Variants in TMEM178B observed in about 807,000 individuals in gnomAD.
The protein encoded by TMEM178B is transmembrane protein 178B.
In TMEM178B, 5 loss-of-function variants were observed where a neutral mutation model predicts 31.0. The observed-to-expected ratio is 0.16, with a 90% CI of 0.08 to 0.34. TMEM178B has a LOEUF of 0.34. Ranked by LOEUF, TMEM178B falls within the 10% of genes least tolerant of loss-of-function variation. The pLI is 1.00. For missense variants in TMEM178B, 275 were observed against 400.3 expected (o/e 0.69, Z 2.67); for synonymous variants, 164 against 164.0 (o/e 1.00, Z 0.00).
At chr7:141,118,617 G>A (rs1795361454) in intron 1 of TMEM178B, among the ~76,000 whole-genome samples, 1 of 152,208 alleles carries the variant, frequency 6.6e-6, no homozygotes, top group African/African-American at 2.4e-5. Context: ...AGAGTCCTGT[G>A]CAAGTATTGT....
intron 2 of TMEM178B, among the ~76,000 whole-genome samples, chr7:141,359,008 T>C (rs1799871401): frequency 6.6e-6 from 1 of 152,158 alleles, no homozygotes; most frequent in Non-Finnish European, 1.5e-5. Context: ...ACCAGCTGCT[T>C]TTCATAAAAT....
At chr7:141,149,502 C>T (rs544703563) in intron 1 of TMEM178B, among the ~76,000 whole-genome samples, 4 of 152,238 alleles carry the variant, frequency 2.6e-5, no homozygotes, top group South Asian at 2.1e-4. Context: ...GAGCCGAGAT[C>T]GTGCCACTGC....
chr7:141,096,705 A>G (rs1794965707), intron 1 of TMEM178B, among the ~76,000 whole-genome samples: 2 of 152,202 alleles, frequency 1.3e-5, no homozygotes. Flanking sequence ...TACAAAATGT[A>G]AGTAAGTGTT....
chr7:141,315,810 A>T (rs182237610), intron 2 of TMEM178B, among the ~76,000 whole-genome samples: 1 of 152,132 alleles, frequency 6.6e-6, no homozygotes, highest in South Asian at 2.1e-4. Flanking sequence ...GTTATCTGGG[A>T]CTTCTACCTT....
chr7:141,362,216 A>G (rs1799928688), intron 2 of TMEM178B, among the ~76,000 whole-genome samples: 1 of 152,238 alleles, frequency 6.6e-6, no homozygotes, highest in Non-Finnish European at 1.5e-5. Flanking sequence ...TCTGGCACTG[A>G]GGAAGTCCTG....
At chr7:141,302,107 T>C (rs771565901) in intron 2 of TMEM178B, among the ~76,000 whole-genome samples, 4 of 152,212 alleles carry the variant, frequency 2.6e-5, no homozygotes, top group Non-Finnish European at 5.9e-5. Flanking sequence ...CACTGAACTG[T>C]ACACTGAAAA....
rs867798211 is a variant in TMEM178B, at chr7:141,088,187, A to G, written c.382+13495A>G. On this transcript the variant is annotated intron_variant, in intron 1 of 3. Transcript: ENST00000565468. ...ACCTCTTCTCTCTCACTCCTTCCTC[A>G]ATGTCAGCATCAGTGGAGTGGAAGG... Among the ~76,000 whole-genome samples, 34 of 152,096 alleles carry G rather than the reference A, an allele frequency of 2.2e-4. 1 individual carries two copies. In the Middle Eastern group the frequency reaches 0.01, roughly 46 times the overall value.
At chr7:141,393,276 C>G (rs760998692) in intron 2 of TMEM178B, among the ~76,000 whole-genome samples, 7 of 152,142 alleles carry the variant, frequency 4.6e-5, no homozygotes, top group Non-Finnish European at 1.0e-4. Flanking sequence ...ACTGAATCAG[C>G]AGTGTATTTA....
At chr7:141,410,366 A>G (rs1040471587) in intron 2 of TMEM178B, among the ~76,000 whole-genome samples, 4 of 151,876 alleles carry the variant, frequency 2.6e-5, no homozygotes, top group Middle Eastern at 3.4e-3. Flanking sequence ...TTTTGTTATC[A>G]CTTTGGCTAC....
chr7:141,169,371 A>G (rs1359879211), intron 1 of TMEM178B, among the ~76,000 whole-genome samples: 1 of 152,216 alleles, frequency 6.6e-6, no homozygotes, highest in African/African-American at 2.4e-5. Context: ...CAAAGGACAT[A>G]ATATCATTCT....
chr7:141,473,541 T>A lies in TMEM178B; in HGVS notation c.*2755T>A, dbSNP rs1477079077. On this transcript the variant is annotated 3_prime_UTR_variant, in exon 4 of 4. Transcript: ENST00000565468. Reference sequence around the variant, plus strand: ...CCATACTTTCAATGAATAGATTATCTGCTCTATCCAATTATTGTCTTTGTG... The same window carrying A: ...CCATACTTTCAATGAATAGATTATCAGCTCTATCCAATTATTGTCTTTGTG... 2 of 152,246 alleles carry A rather than the reference T, an allele frequency of 1.3e-5. No individual in the cohort carries two copies. The highest frequency in any genetic ancestry group is 4.8e-5 in the African/African-American group (2 of 41,462). 9.4% of individuals were successfully genotyped at this position (152,246 alleles called of 1,614,324 possible). A position where few individuals can be genotyped will look rare whatever the true frequency, so the allele number is the denominator to read the frequency against.
chr7:141,441,581 T>A (rs771206385), intron 3 of TMEM178B, among the ~76,000 whole-genome samples: 5 of 152,184 alleles, frequency 3.3e-5, no homozygotes, highest in Admixed American at 2.0e-4. Context: ...GGGGACAACA[T>A]CAGCAGTGCC....
chr7:141,220,294 C>G (rs1239579181), intron 2 of TMEM178B, among the ~76,000 whole-genome samples: 2 of 150,264 alleles, frequency 1.3e-5, no homozygotes, highest in African/African-American at 4.9e-5. Context: ...GCCTGGGTGA[C>G]AGTGAAACTC....
intron 1 of TMEM178B, among the ~76,000 whole-genome samples, chr7:141,153,087 A>G (rs1796004448): frequency 6.6e-6 from 1 of 152,238 alleles, no homozygotes; most frequent in African/African-American, 2.4e-5. Context: ...GATGAAAGAC[A>G]CATGCTTTCG....
Position 141,318,327 on chromosome 7 carries a change from G to A in TMEM178B, c.496+105623G>A, listed in dbSNP as rs1799040757. On this transcript the variant is annotated intron_variant, in intron 2 of 3. Coordinates refer to ENST00000565468, the MANE Select transcript of TMEM178B (RefSeq NM_001195278.2). The surrounding 1 kb of genome is among the most constrained non-coding windows in gnomAD (Gnocchi z 4.1). ...ATAACCCATTTTGAGAGTGGGAATG[G>A]GGCTGCGAAATCAATAATTGGGTGT... 1.3e-5 allele frequency among the ~76,000 whole-genome samples: 2 copies of A among 152,176 alleles called. No individual in the cohort carries two copies. Among genetic ancestry groups the A allele is most frequent in the South Asian group, 4.1e-4 (2 of 4,822 alleles).
rs1802307517 is a variant in TMEM178B, at chr7:141,473,980, G to C, written c.*3194G>C. On this transcript the variant is annotated 3_prime_UTR_variant, in exon 4 of 4. Transcript: ENST00000565468. The stretch of plus-strand genomic sequence containing the variant: ...AGCCTTGACTTGTGAGGCTCTGTAG[G>C]TCAGACTCTGCTAACTCCAAATCAA... 6.6e-6 allele frequency: 1 copy of C among 152,196 alleles called. No individual in the cohort carries two copies. Among genetic ancestry groups the C allele is most frequent in the Admixed American group, 6.5e-5 (1 of 15,272 alleles). 9.4% of individuals were successfully genotyped at this position (152,196 alleles called of 1,614,324 possible).
Position 141,165,920 on chromosome 7 carries a change from G to A in TMEM178B, c.383-46671G>A, listed in dbSNP as rs139956112. 1.7e-3 allele frequency among the ~76,000 whole-genome samples: 254 copies of A among 152,318 alleles called. 2 individuals carry two copies. Among genetic ancestry groups the A allele is most frequent in the Non-Finnish European group, 2.3e-3 (156 of 68,026 alleles). The stretch of plus-strand genomic sequence containing the variant: ...CAGAAAGGTGCTTAGCATTGTGCAC[G>A]GCACATAGTGAGGGACTGTCCTTGT... On this transcript the variant is annotated intron_variant, in intron 1 of 3. Transcript: ENST00000565468.
chr7:141,251,528 G>A lies in TMEM178B; in HGVS notation c.496+38824G>A, dbSNP rs372350255. Reference sequence around the variant, plus strand: ...AACATTTATTGCCAGGACCTACTAGGTGCATGATATAGAGTTCCCAGGCAA... The same window carrying A: ...AACATTTATTGCCAGGACCTACTAGATGCATGATATAGAGTTCCCAGGCAA... On this transcript the variant is annotated intron_variant, in intron 2 of 3. Transcript: ENST00000565468. Among the ~76,000 whole-genome samples, 66 of 152,178 alleles carry A rather than the reference G, an allele frequency of 4.3e-4. No homozygotes were observed. In the South Asian group the frequency reaches 5.8e-3, roughly 13 times the overall value.
At chr7:141,141,652 G>A (rs754548464) in intron 1 of TMEM178B, among the ~76,000 whole-genome samples, 15 of 152,136 alleles carry the variant, frequency 9.9e-5, no homozygotes, top group Non-Finnish European at 1.3e-4. Context: ...AACATTTGTT[G>A]AAGGAAGAAA....
Sources: gnomAD v4.1 joint callset for allele counts (sites outside exome capture counted in the v4.1 genomes callset) on GRCh38, gnomAD v4.1.1 for gene constraint, Gnocchi (gnomAD v3.1) non-coding constraint, MANE v1.5 for transcripts, NCBI Gene and HGNC (gene_info 2026-07-23, HGNC 2026-07-21) for gene names.